SNX29: variants seen among roughly 807,000 people sequenced by gnomAD.
SNX29 encodes the protein sorting nexin-29.
Under a neutral mutation model 102.1 loss-of-function variants are expected in SNX29, and 78 were observed. The ratio of observed to expected loss-of-function variants is 0.76; its 90% CI spans 0.64 to 0.92. The LOEUF is 0.92. Among genes scored for constraint, SNX29 ranks in the 40% least tolerant of loss-of-function variants. The probability of loss-of-function intolerance (pLI) is 0.00; values close to 1 mark genes in which losing one functional copy is unlikely to be tolerated. For missense variants in SNX29, 1,280 were observed against 1,061.7 expected (o/e 1.21, Z -2.86); for synonymous variants, 580 against 414.5 (o/e 1.40, Z -4.85).
intron 19 of SNX29, among the ~76,000 whole-genome samples, chr16:12,481,493 CATATGTACAT>C (rs2087921090): frequency 6.8e-6 from 1 of 146,580 alleles, no homozygotes; most frequent in Non-Finnish European, 1.5e-5. Context: ...TATATATACA[CATATGTACAT>C]ATACATATAG....
rs1423903856 is a variant in SNX29 at position 12,569,433 on chromosome 16, A to T, written c.*804A>T. On this transcript the variant is annotated 3_prime_UTR_variant, in exon 21 of 21. Coordinates refer to ENST00000566228, the MANE Select transcript of SNX29 (RefSeq NM_032167.5). The stretch of plus-strand genomic sequence containing the variant: ...TAACCCGGCGTCATCCAGCGTGTCC[A>T]AAGTAGCATTGGCCCTACAGTCATG... 8.7e-6 allele frequency: 2 copies of T among 230,842 alleles called. No individual in the cohort carries two copies. The highest frequency in any genetic ancestry group is 1.2e-4 in the East Asian group (2 of 16,260). 14.3% of individuals were successfully genotyped at this position (230,842 alleles called of 1,614,324 possible).
chr16:12,530,324 G>T (rs181618982), intron 20 of SNX29, among the ~76,000 whole-genome samples: 2 of 152,260 alleles, frequency 1.3e-5, no homozygotes, highest in Non-Finnish European at 2.9e-5. Flanking sequence ...GGAGCCTCGG[G>T]GAAGGAGATT....
chr16:12,014,197 A>G (rs1042098167), intron 3 of SNX29, among the ~76,000 whole-genome samples: 1 of 152,064 alleles, frequency 6.6e-6, no homozygotes, highest in Non-Finnish European at 1.5e-5. Flanking sequence ...TATTGGCTTC[A>G]TGTGATTTCT....
chr16:12,552,095 C>T (rs76309892), intron 20 of SNX29, among the ~76,000 whole-genome samples: 2,734 of 152,316 alleles, frequency 0.018, 68 homozygotes, highest in South Asian at 0.12. Flanking sequence ...CTGTGCTATC[C>T]TCAGTGAGTG....
At chr16:12,223,147 A>G (rs576482994) in intron 14 of SNX29, among the ~76,000 whole-genome samples, 8 of 152,302 alleles carry the variant, frequency 5.3e-5, no homozygotes, top group South Asian at 4.2e-4. Flanking sequence ...GTGAACCCCA[A>G]TGCTACCACT....
intron 20 of SNX29, among the ~76,000 whole-genome samples, chr16:12,564,982 C>A (rs571304297): frequency 6.6e-6 from 1 of 151,286 alleles, no homozygotes; most frequent in Non-Finnish European, 1.5e-5. Context: ...GGCGTTTCAG[C>A]TTCCGACTAC....
At chr16:12,333,895 C>T (rs1056308770) in intron 15 of SNX29, among the ~76,000 whole-genome samples, 11 of 152,132 alleles carry the variant, frequency 7.2e-5, no homozygotes, top group African/African-American at 2.4e-4. Flanking sequence ...GGTGTGGCTG[C>T]CAGGCAGATG....
chr16:12,169,585 CGT>C (rs2076097266), intron 13 of SNX29, among the ~76,000 whole-genome samples: 1 of 152,098 alleles, frequency 6.6e-6, no homozygotes, highest in Admixed American at 6.6e-5. Flanking sequence ...CATGGCCAGG[CGT>C]TGTGGCTCAC....
At chr16:12,333,157 G>A (rs1237391492) in intron 15 of SNX29, among the ~76,000 whole-genome samples, 1 of 140,974 alleles carries the variant, frequency 7.1e-6, no homozygotes, top group Non-Finnish European at 1.5e-5. Context: ...CCAGGCTGGA[G>A]TGCAGTGGTG....
chr16:12,565,272 C>G (rs923087211), intron 20 of SNX29, among the ~76,000 whole-genome samples: 2 of 152,188 alleles, frequency 1.3e-5, no homozygotes, highest in Non-Finnish European at 2.9e-5. Flanking sequence ...GAGGTTCAGC[C>G]TCACATACGC....
At chr16:12,419,609 G>A (rs982943516) in intron 18 of SNX29, among the ~76,000 whole-genome samples, 1 of 151,906 alleles carries the variant, frequency 6.6e-6, no homozygotes, top group Non-Finnish European at 1.5e-5. Flanking sequence ...TGTGTTGGCT[G>A]TGTTCACGCC....
chr16:12,480,474 C>G (rs1165726415), intron 19 of SNX29, among the ~76,000 whole-genome samples: 1 of 152,176 alleles, frequency 6.6e-6, no homozygotes, highest in Non-Finnish European at 1.5e-5. Context: ...TGGGCTCACC[C>G]AGATCATCCA....
At chr16:11,989,502 A>G (rs945637411) in intron 1 of SNX29, among the ~76,000 whole-genome samples, 2 of 152,142 alleles carry the variant, frequency 1.3e-5, no homozygotes, top group South Asian at 2.1e-4. Flanking sequence ...ACGATTGTCC[A>G]TTTTATCTGT....
chr16:12,401,762 C>G (rs574491539), intron 17 of SNX29, among the ~76,000 whole-genome samples: 2 of 152,294 alleles, frequency 1.3e-5, no homozygotes, highest in South Asian at 4.1e-4. Context: ...GCTCTATCTC[C>G]AGTACCCAGA....
At chr16:12,015,678 C>T (rs905931042) in intron 3 of SNX29, among the ~76,000 whole-genome samples, 49 of 142,990 alleles carry the variant, frequency 3.4e-4, no homozygotes, top group African/African-American at 5.0e-4. Flanking sequence ...TGGGACTACA[C>T]GCGCCCGCCA....
intron 20 of SNX29, among the ~76,000 whole-genome samples, chr16:12,536,983 A>AAAAT (rs1485322608): frequency 6.8e-6 from 1 of 147,334 alleles, no homozygotes; most frequent in Non-Finnish European, 1.5e-5. Flanking sequence ...CCGTCTTAAA[A>AAAAT]AAATAAAATA....
chr16:12,364,435 G>A (rs1365476500), intron 16 of SNX29, among the ~76,000 whole-genome samples: 1 of 144,340 alleles, frequency 6.9e-6, no homozygotes, highest in African/African-American at 2.6e-5. Context: ...TTTTTTTACT[G>A]TGAGTATTTT....
chr16:12,563,999 C>A (rs894919463), intron 20 of SNX29, among the ~76,000 whole-genome samples: 2 of 152,180 alleles, frequency 1.3e-5, no homozygotes, highest in African/African-American at 2.4e-5. Context: ...CCCTGCAGCA[C>A]CCTCTTCCCC....
rs1188318381 is a variant in SNX29 at position 12,356,204 on chromosome 16, C to A, written c.1824C>A (p.Arg608=). 6.2e-7 allele frequency: 1 copy of A among 1,613,428 alleles called. No homozygotes were observed. The highest frequency in any genetic ancestry group is 8.5e-7 in the Non-Finnish European group (1 of 1,179,744). Residue 608 remains arginine, a synonymous_variant, in exon 16 of 21, where the codon CGC becomes CGA. Coordinates refer to ENST00000566228, the MANE Select transcript of SNX29 (RefSeq NM_032167.5). The part of the protein sequence containing the change: ...MHGELIEFNE[R]LHRALVAKEA... ...GCGAGCTGATTGAGTTCAACGAGCG[C>A]CTGCACAGGGCCCTGGTAGCCAAGG...
Sources: gnomAD v4.1 joint callset for allele counts (sites outside exome capture counted in the v4.1 genomes callset) on GRCh38, gnomAD v4.1.1 for gene constraint, MANE v1.5 for transcripts, NCBI Gene and HGNC (gene_info 2026-07-23, HGNC 2026-07-21) for gene names.